Variants in ADAMTS12 observed in about 807,000 individuals in gnomAD.
The protein encoded by ADAMTS12 is ADAM metallopeptidase with thrombospondin type 1 motif 12.
A neutral mutation model predicts 167.8 loss-of-function variants in ADAMTS12; 118 were observed. That is an observed-to-expected ratio of 0.70 (90% CI 0.61 to 0.82). The LOEUF is 0.82. Ranked by LOEUF, ADAMTS12 falls within the 40% of genes least tolerant of loss-of-function variation. ADAMTS12 has a pLI of 0.00. For missense variants in ADAMTS12, 1,916 were observed against 1,998.8 expected, an observed-to-expected ratio of 0.96 and a Z score of 0.79; for synonymous variants, 704 against 716.9, an observed-to-expected ratio of 0.98 and a Z score of 0.29.
At chr5:33,871,071 CAATACAT>C (rs1485191781) in intron 2 of ADAMTS12, among the ~76,000 whole-genome samples, 3 of 152,026 alleles carry the variant, frequency 2.0e-5, no homozygotes, top group African/African-American at 7.2e-5. Context: ...ATGAACAAAT[CAATACAT>C]AAATTTAACA....
chr5:33,611,131 G>A (rs1738708913), intron 16 of ADAMTS12, among the ~76,000 whole-genome samples: 1 of 152,078 alleles, frequency 6.6e-6, no homozygotes, highest in Non-Finnish European at 1.5e-5. Context: ...GACAAAGCAT[G>A]GTATAGTGCA....
chr5:33,632,603 C>T (rs539858360), intron 12 of ADAMTS12, among the ~76,000 whole-genome samples: 4 of 152,208 alleles, frequency 2.6e-5, no homozygotes, highest in Non-Finnish European at 5.9e-5. Context: ...TATTGTGTAG[C>T]TCCATTTCTG....
At chr5:33,834,754 G>A (rs545905468) in intron 2 of ADAMTS12, among the ~76,000 whole-genome samples, 2 of 152,348 alleles carry the variant, frequency 1.3e-5, no homozygotes, top group South Asian at 2.1e-4. Flanking sequence ...TGGAGGATTA[G>A]GACACTGTGT....
At chr5:33,716,304 C>T (rs1215895955) in intron 3 of ADAMTS12, among the ~76,000 whole-genome samples, 2 of 152,082 alleles carry the variant, frequency 1.3e-5, no homozygotes, top group Admixed American at 6.6e-5. Context: ...TCTTGGACTT[C>T]TTGGTTTCCT....
intron 17 of ADAMTS12, among the ~76,000 whole-genome samples, chr5:33,593,381 G>T (rs1747743880): frequency 6.6e-6 from 1 of 152,146 alleles, no homozygotes; most frequent in South Asian, 2.1e-4. Flanking sequence ...AACAGATCTG[G>T]GTTCAAATCC....
intron 2 of ADAMTS12, among the ~76,000 whole-genome samples, chr5:33,863,672 AT>A (rs1391793907): frequency 3.9e-5 from 6 of 152,306 alleles, no homozygotes; most frequent in East Asian, 1.9e-4. Flanking sequence ...GCAAGTTACC[AT>A]TGACTTTCTT....
At chr5:33,652,384 A>G (rs1195238434) in intron 7 of ADAMTS12, among the ~76,000 whole-genome samples, 2 of 152,050 alleles carry the variant, frequency 1.3e-5, no homozygotes, top group Non-Finnish European at 2.9e-5. Flanking sequence ...ATAATTAGTG[A>G]TGTTGAGGAT....
At chr5:33,745,055 T>C (rs574470653) in intron 3 of ADAMTS12, among the ~76,000 whole-genome samples, 2 of 152,302 alleles carry the variant, frequency 1.3e-5, no homozygotes, top group South Asian at 4.1e-4. Flanking sequence ...TGGGGTCAGG[T>C]GATCCTCCCA....
intron 3 of ADAMTS12, among the ~76,000 whole-genome samples, chr5:33,733,121 TG>T (rs1255370745): frequency 2.6e-5 from 4 of 152,088 alleles, no homozygotes; most frequent in Non-Finnish European, 5.9e-5. Flanking sequence ...TGGCTATTTT[TG>T]GTTGTGTGAT....
intron 20 of ADAMTS12, among the ~76,000 whole-genome samples, chr5:33,553,963 C>T (rs955592481): frequency 5.3e-5 from 8 of 152,192 alleles, no homozygotes; most frequent in Non-Finnish European, 1.5e-5. Flanking sequence ...TCATTGAGCA[C>T]TTACTATGTT....
chr5:33,588,278 T>C (rs925979180), intron 18 of ADAMTS12, among the ~76,000 whole-genome samples: 4 of 152,044 alleles, frequency 2.6e-5, no homozygotes, highest in African/African-American at 7.3e-5. Flanking sequence ...AGGTCCCTTA[T>C]CTGCTACCAG....
At chr5:33,662,456 A>G (rs1741291732) in intron 5 of ADAMTS12, among the ~76,000 whole-genome samples, 1 of 152,242 alleles carries the variant, frequency 6.6e-6, no homozygotes, top group African/African-American at 2.4e-5. Flanking sequence ...TTTTCTTCTC[A>G]TGAGACATCC....
intron 18 of ADAMTS12, 59 bp downstream of exon 18, chr5:33,588,540 A>C (rs1747471879): frequency 1.3e-6 from 2 of 1,585,260 alleles, no homozygotes; most frequent in Non-Finnish European, 1.7e-6. Flanking sequence ...AATGAGAAGG[A>C]AGGCAGGGGC....
At chr5:33,538,854 G>A (rs1176901650) in intron 22 of ADAMTS12, among the ~76,000 whole-genome samples, 1 of 152,118 alleles carries the variant, frequency 6.6e-6, no homozygotes, top group African/African-American at 2.4e-5. Flanking sequence ...CTAATAAAGT[G>A]TTAAATTTTT....
intron 2 of ADAMTS12, among the ~76,000 whole-genome samples, chr5:33,849,082 TATATATATGTATTGCATAGCA>T (rs200954998): frequency 1.4e-5 from 2 of 143,612 alleles, no homozygotes; most frequent in African/African-American, 2.6e-5. Context: ...TGCATAGCAA[TATATATATGTATTGCATAGCA>T]ATATATATAT....
At chr5:33,858,121 A>T (rs759650768) in intron 2 of ADAMTS12, among the ~76,000 whole-genome samples, 1 of 152,258 alleles carries the variant, frequency 6.6e-6, no homozygotes, top group Non-Finnish European at 1.5e-5. Context: ...TTGAAATAAT[A>T]TAAACTGTGT....
At chr5:33,630,637 TTA>T (rs1224771375) in intron 13 of ADAMTS12, 141 bp downstream of exon 13, 1 of 870,232 alleles carries the variant, frequency 1.1e-6, no homozygotes, top group Non-Finnish European at 1.7e-6. Context: ...CTGGGAAGTC[TTA>T]TCTTTTCGTT....
intron 19 of ADAMTS12, among the ~76,000 whole-genome samples, chr5:33,567,824 A>G (rs1389190525): frequency 2.6e-5 from 4 of 152,210 alleles, no homozygotes; most frequent in African/African-American, 9.7e-5. Context: ...CATATGTAAT[A>G]TGACCAAAGA....
chr5:33,885,366 T>G (rs866374769), intron 1 of ADAMTS12, among the ~76,000 whole-genome samples: 3 of 152,072 alleles, frequency 2.0e-5, no homozygotes, highest in Admixed American at 6.6e-5. Context: ...GGGGTGTGGT[T>G]TTTCCTTTTA....
Sources: allele counts gnomAD v4.1 joint callset (sites outside exome capture counted in the v4.1 genomes callset), GRCh38; gene constraint gnomAD v4.1.1; transcripts MANE v1.5; gene names NCBI Gene and HGNC (gene_info 2026-07-23, HGNC 2026-07-21).